The following METTL15 variants were observed in gnomAD, a reference collection of about 807,000 sequenced individuals.
The protein encoded by METTL15 is 12S rRNA N(4)-cytidine methyltransferase METTL15.
METTL15 carries 34 observed loss-of-function variants against 38.3 expected under a neutral mutation model. That is an observed-to-expected ratio of 0.89 (90% CI 0.68 to 1.18). METTL15 has a LOEUF of 1.18. Ranked by LOEUF, METTL15 falls within the 50% of genes most tolerant of loss-of-function variation. The pLI is 0.00. For missense variants in METTL15, 438 were observed against 498.4 expected (o/e 0.88, Z 1.15); for synonymous variants, 162 against 170.9 (o/e 0.95, Z 0.41).
At chr11:28,161,902 G>C (rs1025718927) in intron 3 of METTL15, among the ~76,000 whole-genome samples, 9 of 152,058 alleles carry the variant, frequency 5.9e-5, no homozygotes, top group Non-Finnish European at 1.3e-4. Context: ...AGTTTTGAGG[G>C]TCACTTACAG....
At chr11:28,177,586 A>C (rs1851123628) in intron 3 of METTL15, among the ~76,000 whole-genome samples, 1 of 152,032 alleles carries the variant, frequency 6.6e-6, no homozygotes, top group African/African-American at 2.4e-5. Context: ...TGGGAAAATC[A>C]GAATATAGAA....
Position 28,310,905 on chromosome 11 carries a change from CTGCTGCTGCTGGTGGTGG to C in METTL15, c.778+13977_778+13994del, listed in dbSNP as rs58113097. Among the ~76,000 whole-genome samples, 689 of 85,878 alleles carry C rather than the reference CTGCTGCTGCTGGTGGTGG, an allele frequency of 8.0e-3. 11 individuals carry two copies. Among genetic ancestry groups the C allele is most frequent in the African/African-American group, 0.026 (624 of 23,588 alleles). 56.3% of individuals were successfully genotyped at this position (85,878 alleles called of 152,430 possible). The stretch of plus-strand genomic sequence containing the variant: ...GCTGCTGCTGCTGCTGCTGCTGCTG[CTGCTGCTGCTGGTGGTGG>C]TGGTGGTGGTGGTGGTGGTGGTGGT... On this transcript the variant is annotated intron_variant, in intron 6 of 6. Transcript: ENST00000407364.
At chr11:28,267,934 A>G (rs1855490779) in intron 4 of METTL15, among the ~76,000 whole-genome samples, 1 of 152,150 alleles carries the variant, frequency 6.6e-6, no homozygotes, top group Non-Finnish European at 1.5e-5. Flanking sequence ...GCGGTGGCTC[A>G]CGCCTGTAAT....
intron 4 of METTL15, among the ~76,000 whole-genome samples, chr11:28,220,262 A>T (rs998450232): frequency 1.3e-5 from 2 of 152,146 alleles, no homozygotes; most frequent in Non-Finnish European, 2.9e-5. Flanking sequence ...GGGTGCATAT[A>T]TATTTAGGAT....
intron 3 of METTL15, among the ~76,000 whole-genome samples, chr11:28,205,969 G>T (rs1004947543): frequency 6.2e-5 from 9 of 144,996 alleles, no homozygotes; most frequent in Non-Finnish European, 9.0e-5. Context: ...TTTTTTTCTT[G>T]TAAATTTGTT....
At chr11:28,523,155 T>C (rs1254142853) in intron 6 of METTL15, among the ~76,000 whole-genome samples, 2 of 152,104 alleles carry the variant, frequency 1.3e-5, no homozygotes, top group African/African-American at 4.8e-5. Flanking sequence ...TGAGAGGATA[T>C]AACTAGTTAA....
intron 6 of METTL15, among the ~76,000 whole-genome samples, chr11:28,308,752 A>G (rs923558063): frequency 3.9e-5 from 6 of 152,028 alleles, no homozygotes; most frequent in African/African-American, 1.4e-4. Context: ...AGTTTCCCCA[A>G]ATCTCCAGGG....
chr11:28,157,933 C>T (rs1025202283), intron 3 of METTL15, among the ~76,000 whole-genome samples: 10 of 152,196 alleles, frequency 6.6e-5, no homozygotes, highest in African/African-American at 2.4e-4. Flanking sequence ...TGCAGCACTA[C>T]AGCCCTTTTC....
intron 5 of METTL15, among the ~76,000 whole-genome samples, chr11:28,402,934 T>G (rs1850642247): frequency 6.6e-6 from 1 of 151,998 alleles, no homozygotes; most frequent in African/African-American, 2.4e-5. Context: ...AACATGATAT[T>G]TGACTCTCTG....
chr11:28,221,903 T>G (rs1307489050), intron 4 of METTL15, among the ~76,000 whole-genome samples: 1 of 152,144 alleles, frequency 6.6e-6, no homozygotes, highest in African/African-American at 2.4e-5. Context: ...TGCCTGATCG[T>G]TCCTCTGGAA....
intron 5 of METTL15, among the ~76,000 whole-genome samples, chr11:28,392,602 A>G (rs1030993340): frequency 6.6e-6 from 1 of 152,114 alleles, no homozygotes; most frequent in African/African-American, 2.4e-5. Context: ...TTTTGCAGTG[A>G]TTTATTGGAT....
chr11:28,404,065 A>AG (rs933392021), intron 5 of METTL15, among the ~76,000 whole-genome samples: 6 of 152,172 alleles, frequency 3.9e-5, no homozygotes, highest in South Asian at 2.1e-4. Flanking sequence ...CAAAAACCCT[A>AG]GAAAACATGA....
In METTL15 at chr11:28,308,421, G is replaced by C. The variant is rs117945488; in HGVS notation, c.778+11490G>C. 8.2e-4 allele frequency among the ~76,000 whole-genome samples: 124 copies of C among 151,948 alleles called. 1 individual carries two copies. The East Asian group carries it at 0.023, about 29-fold the overall frequency. On this transcript the variant is annotated intron_variant, in intron 6 of 6. Coordinates refer to ENST00000407364, the MANE Select transcript of METTL15 (RefSeq NM_001113528.2). The stretch of plus-strand genomic sequence containing the variant: ...CTTTCTATCTCTGTGTTATAATCTA[G>C]GTAAGATACTGTACTGGTTCACTCT...
At chr11:28,163,177 G>A (rs1590843702) in intron 3 of METTL15, among the ~76,000 whole-genome samples, 3 of 152,138 alleles carry the variant, frequency 2.0e-5, no homozygotes, top group Admixed American at 6.5e-5. Context: ...TTTGTAATAC[G>A]TAGTCAAGAA....
At position 28,280,170 on chromosome 11, in the gene METTL15, C is replaced by T. The variant is rs529120202; in HGVS notation, c.408-10036C>T. On this transcript the variant is annotated intron_variant, in intron 4 of 6. Coordinates refer to ENST00000407364, the MANE Select transcript of METTL15 (RefSeq NM_001113528.2). ...TTTTCCCATTTTTTCCCATTTTTCC[C>T]ATTCATTGCTTCGGTTGTATTTGTG... Among the ~76,000 whole-genome samples, 463 of 152,080 alleles carry T rather than the reference C, an allele frequency of 3.0e-3. 1 individual carries two copies. Among genetic ancestry groups the T allele is most frequent in the Middle Eastern group, 6.8e-3 (2 of 294 alleles).
At chr11:28,325,041 C>T (rs974726970) in intron 6 of METTL15, among the ~76,000 whole-genome samples, 2 of 152,132 alleles carry the variant, frequency 1.3e-5, no homozygotes, top group Non-Finnish European at 2.9e-5. Context: ...TTTCTCTGGG[C>T]ATGAGCGAGC....
chr11:28,360,661 C>CT (rs914231925), intron 4 of METTL15, among the ~76,000 whole-genome samples: 41 of 151,240 alleles, frequency 2.7e-4, no homozygotes, highest in East Asian at 9.7e-4. Context: ...GTCTCTCTCT[C>CT]TTTTTTTTTA....
In METTL15 at chr11:28,131,213, C is replaced by T. The variant is rs977986475; in HGVS notation, c.270+17609C>T. 3.9e-5 allele frequency among the ~76,000 whole-genome samples: 6 copies of T among 152,120 alleles called. No homozygotes were observed. The East Asian group carries it at 5.8e-4, about 15-fold the overall frequency. On this transcript the variant is annotated intron_variant, in intron 3 of 6. Coordinates refer to ENST00000407364, the MANE Select transcript of METTL15 (RefSeq NM_001113528.2). ...CTTCTATTTTGCACAGTGACCAATA[C>T]GATAGAGATGTGAAGCAGAGAATCA...
At chr11:28,121,026 T>G (rs1852212699) in intron 3 of METTL15, among the ~76,000 whole-genome samples, 1 of 152,184 alleles carries the variant, frequency 6.6e-6, no homozygotes, top group Non-Finnish European at 1.5e-5. Context: ...CTTTGTGCTC[T>G]GAACATTCCA....
Sources: gnomAD v4.1 joint callset for allele counts (sites outside exome capture counted in the v4.1 genomes callset) on GRCh38, gnomAD v4.1.1 for gene constraint, MANE v1.5 for transcripts, NCBI Gene and HGNC (gene_info 2026-07-23, HGNC 2026-07-21) for gene names.